EXT2: variants seen among roughly 807,000 people sequenced by gnomAD.
The protein encoded by EXT2 is exostosin glycosyltransferase 2.
A neutral mutation model predicts 81.6 loss-of-function variants in EXT2; 53 were observed. The ratio of observed to expected loss-of-function variants is 0.65; its 90% CI spans 0.52 to 0.82. The LOEUF is 0.82. Among genes scored for constraint, EXT2 ranks in the 40% least tolerant of loss-of-function variants. The pLI, the probability that EXT2 is intolerant of heterozygous loss-of-function variation, is 0.00. For missense variants in EXT2, 774 were observed against 910.2 expected, an observed-to-expected ratio of 0.85 and a Z score of 1.93; for synonymous variants, 320 against 340.0, an observed-to-expected ratio of 0.94 and a Z score of 0.65.
chr11:44,205,459 T>G (rs1955571054), intron 9 of EXT2, among the ~76,000 whole-genome samples: 1 of 152,214 alleles, frequency 6.6e-6, no homozygotes, highest in African/African-American at 2.4e-5. Flanking sequence ...ATAGGGTTAT[T>G]TCTTTGGTCA....
At chr11:44,242,384 G>A (rs1303450122) in intron 13 of EXT2, among the ~76,000 whole-genome samples, 1 of 152,108 alleles carries the variant, frequency 6.6e-6, no homozygotes, top group Admixed American at 6.6e-5. Flanking sequence ...TCTTTTCCCA[G>A]TCTCCCTTCA....
At chr11:44,234,277 C>G in intron 12 of EXT2, 34 bp downstream of exon 12, 1 of 1,602,382 alleles carries the variant, frequency 6.2e-7, no homozygotes, top group East Asian at 2.2e-5. Flanking sequence ...GCTTTGTGAT[C>G]TTGGGCAAAT....
chr11:44,195,012 A>G (rs1395093576), intron 8 of EXT2, among the ~76,000 whole-genome samples: 2 of 152,158 alleles, frequency 1.3e-5, no homozygotes, highest in African/African-American at 4.8e-5. Flanking sequence ...TGGGGTAGAA[A>G]ACTCAAAAAG....
At chr11:44,226,180 C>T (rs1403449005) in intron 10 of EXT2, among the ~76,000 whole-genome samples, 2 of 152,194 alleles carry the variant, frequency 1.3e-5, no homozygotes, top group Non-Finnish European at 2.9e-5. Context: ...AAGGTACCAA[C>T]CTCTAGCCAG....
At chr11:44,153,920 T>A (rs1954825207) in intron 7 of EXT2, among the ~76,000 whole-genome samples, 1 of 151,986 alleles carries the variant, frequency 6.6e-6, no homozygotes, top group South Asian at 2.1e-4. Flanking sequence ...TACTGGTTGT[T>A]GTTGTTTTTT....
chr11:44,223,296 A>C (rs528867245), intron 10 of EXT2, among the ~76,000 whole-genome samples: 1 of 152,228 alleles, frequency 6.6e-6, no homozygotes, highest in Non-Finnish European at 1.5e-5. Flanking sequence ...TCCCAGAGGA[A>C]TGATAATTTA....
intron 6 of EXT2, among the ~76,000 whole-genome samples, chr11:44,127,201 A>T (rs1221011901): frequency 6.6e-6 from 1 of 152,196 alleles, no homozygotes; most frequent in Non-Finnish European, 1.5e-5. Context: ...CTTTACGTAT[A>T]GTCTGGCTGT....
chr11:44,127,002 A>G (rs375788671), intron 6 of EXT2, 47 bp downstream of exon 6: 163 of 1,608,906 alleles, frequency 1.0e-4, no homozygotes, highest in Non-Finnish European at 1.3e-4. Context: ...TTCTGCGTAT[A>G]TTACAAATAA....
chr11:44,245,468 A>G lies in EXT2; in HGVS notation c.*1181A>G. On this transcript the variant is annotated 3_prime_UTR_variant, in exon 14 of 14. Transcript: ENST00000533608. ...ATACCTCTTTAAGCCCAGTTGATGA[A>G]CAAATCTACCCTGGCGAATGTTAAA... 1 of 184,336 alleles carries G rather than the reference A, an allele frequency of 5.4e-6. No homozygotes were observed. Among genetic ancestry groups the G allele is most frequent in the Admixed American group, 6.2e-5 (1 of 16,036 alleles). The allele number at this position is 184,336 out of a possible 1,614,324, so 11.4% of individuals were successfully genotyped here.
intron 8 of EXT2, among the ~76,000 whole-genome samples, chr11:44,184,270 A>T (rs557055213): frequency 6.6e-6 from 1 of 152,130 alleles, no homozygotes; most frequent in African/African-American, 2.4e-5. Context: ...AGGGAATTTT[A>T]TTTTTTCATG....
At chr11:44,237,398 TGTTGATGTGAAATAATATATTATCACTG>T (rs1319547358) in intron 13 of EXT2, among the ~76,000 whole-genome samples, 4 of 152,148 alleles carry the variant, frequency 2.6e-5, no homozygotes, top group Non-Finnish European at 4.4e-5. Flanking sequence ...CTTTACCAGC[TGTTGATGTGAAATAATATATTATCACTG>T]GTTGATGTGA....
intron 8 of EXT2, among the ~76,000 whole-genome samples, chr11:44,185,785 C>T (rs1276371679): frequency 6.6e-6 from 1 of 152,104 alleles, no homozygotes; most frequent in African/African-American, 2.4e-5. Context: ...TCTTATTTAC[C>T]AAGCCAATGA....
chr11:44,120,131 G>A (rs1418826430), intron 4 of EXT2, among the ~76,000 whole-genome samples: 1 of 152,196 alleles, frequency 6.6e-6, no homozygotes, highest in East Asian at 1.9e-4. Context: ...ATTAGTTTCA[G>A]AGATTTAGAT....
rs1956078511 is a variant in EXT2 at position 44,244,830 on chromosome 11, A to G, written c.*543A>G. ...GACCTGGAGTGCTGGGCTTGTGCAC[A>G]GGAAGAGCACCAGCCGCTGAGTCAG... On this transcript the variant is annotated 3_prime_UTR_variant, in exon 14 of 14. Coordinates refer to ENST00000533608, the MANE Select transcript of EXT2 (RefSeq NM_207122.2). The G allele has an allele frequency of 4.1e-6, 1 of 241,756 alleles. No homozygotes were observed. Among genetic ancestry groups the G allele is most frequent in the Admixed American group, 5.0e-5 (1 of 19,852 alleles). The allele number at this position is 241,756 out of a possible 1,614,324, so 15.0% of individuals were successfully genotyped here.
At chr11:44,141,866 G>A (rs1954650419) in intron 7 of EXT2, among the ~76,000 whole-genome samples, 1 of 152,162 alleles carries the variant, frequency 6.6e-6, no homozygotes, top group Non-Finnish European at 1.5e-5. Flanking sequence ...GGGACTATTT[G>A]ACAAATATTT....
intron 9 of EXT2, among the ~76,000 whole-genome samples, chr11:44,200,049 G>A (rs1442590237): frequency 1.3e-5 from 2 of 151,892 alleles, no homozygotes; most frequent in African/African-American, 2.4e-5. Flanking sequence ...TTAATCTTCT[G>A]TGGGGTGTTT....
At chr11:44,188,234 A>G (rs1195476989) in intron 8 of EXT2, among the ~76,000 whole-genome samples, 1 of 152,124 alleles carries the variant, frequency 6.6e-6, no homozygotes, top group Non-Finnish European at 1.5e-5. Flanking sequence ...TGCCATGGAG[A>G]CTTTTGTAGA....
intron 7 of EXT2, among the ~76,000 whole-genome samples, chr11:44,143,051 G>A (rs758384488): frequency 5.9e-5 from 9 of 152,128 alleles, no homozygotes; most frequent in Non-Finnish European, 8.8e-5. Flanking sequence ...TCCCAGGTTC[G>A]AGCGATTCTC....
chr11:44,221,224 C>T (rs1032780281), intron 10 of EXT2, among the ~76,000 whole-genome samples: 1 of 152,106 alleles, frequency 6.6e-6, no homozygotes, highest in African/African-American at 2.4e-5. Flanking sequence ...TGCCAAGCAG[C>T]CCTAGTGAGG....
Sources: allele counts gnomAD v4.1 joint callset (sites outside exome capture counted in the v4.1 genomes callset), GRCh38; gene constraint gnomAD v4.1.1; transcripts MANE v1.5; gene names NCBI Gene and HGNC (gene_info 2026-07-23, HGNC 2026-07-21).